The following N4BP2L2 variants were observed in gnomAD, a reference collection of about 807,000 sequenced individuals.
The protein encoded by N4BP2L2 is NEDD4-binding protein 2-like 2.
N4BP2L2 carries 50 observed loss-of-function variants against 56.2 expected under a neutral mutation model. That is an observed-to-expected ratio of 0.89 (90% CI 0.71 to 1.13). The LOEUF is 1.13. N4BP2L2 is among the 50% of genes most tolerant of loss of function. The pLI is 0.00. For synonymous variants in N4BP2L2, 203 were observed against 223.6 expected (o/e 0.91, Z 0.82); for missense variants, 689 against 693.8 (o/e 0.99, Z 0.08).
chr13:32,484,966 T>C (rs1055590562), intron 6 of N4BP2L2, among the ~76,000 whole-genome samples: 1 of 152,166 alleles, frequency 6.6e-6, no homozygotes, highest in Non-Finnish European at 1.5e-5. Flanking sequence ...TAAAGAATAC[T>C]TAGAATGCAG....
At chr13:32,518,034 T>G in intron 5 of N4BP2L2, 31 bp from the exon 6 acceptor site, 1 of 1,602,678 alleles carries the variant, frequency 6.2e-7, no homozygotes, top group Middle Eastern at 2.2e-4. Context: ...TGTAAATCTT[T>G]GTTGCAGAAT....
exon 6 of N4BP2L2, chr13:32,515,793 A>G (rs1363698904): frequency 6.6e-6 from 1 of 152,052 alleles, no homozygotes; most frequent in African/African-American, 2.4e-5. Context: ...CTGGAGTGCA[A>G]GTGGCGCAAT....
At chr13:32,435,590 T>G (rs985087658) in intron 9 of N4BP2L2, among the ~76,000 whole-genome samples, 3 of 152,182 alleles carry the variant, frequency 2.0e-5, no homozygotes, top group African/African-American at 7.2e-5. Flanking sequence ...AATTCCTCAT[T>G]GTCTCTCATC....
At chr13:32,480,722 T>G in intron 6 of N4BP2L2, 1 of 733,426 alleles carries the variant, frequency 1.4e-6, no homozygotes, top group Non-Finnish European at 2.0e-6. Context: ...TCCACAACTG[T>G]GCTACTACTA....
At chr13:32,493,478 T>C (rs1185557612) in intron 6 of N4BP2L2, among the ~76,000 whole-genome samples, 2 of 152,206 alleles carry the variant, frequency 1.3e-5, no homozygotes, top group African/African-American at 4.8e-5. Flanking sequence ...TTTGCCAACA[T>C]CACCATACCC....
intron 7 of N4BP2L2, chr13:32,438,817 A>T (rs1700385295): frequency 1.1e-6 from 1 of 908,692 alleles, no homozygotes; most frequent in Admixed American, 2.3e-5. Flanking sequence ...TGCAAACCTG[A>T]TCTCTAATTC....
chr13:32,517,722 G>A (rs932005551), exon 6 of N4BP2L2: 1 of 1,498,124 alleles, frequency 6.7e-7, no homozygotes, highest in Non-Finnish European at 8.9e-7. Context: ...TTTTTTATTT[G>A]AAACTACTTA....
intron 6 of N4BP2L2, among the ~76,000 whole-genome samples, chr13:32,470,553 T>A (rs373496902): frequency 4.6e-5 from 7 of 152,292 alleles, no homozygotes; most frequent in African/African-American, 1.7e-4. Flanking sequence ...ACAGTATGCT[T>A]TTAGTCCCAA....
chr13:32,526,606 T>C (rs1416072014), intron 3 of N4BP2L2, among the ~76,000 whole-genome samples: 1 of 152,168 alleles, frequency 6.6e-6, no homozygotes, highest in African/African-American at 2.4e-5. Flanking sequence ...AAATTTTTCA[T>C]AATAAAAGCT....
At chr13:32,487,397 G>A (rs2086110888) in intron 6 of N4BP2L2, among the ~76,000 whole-genome samples, 1 of 150,636 alleles carries the variant, frequency 6.6e-6, no homozygotes, top group African/African-American at 2.4e-5. Context: ...GATCACCTGA[G>A]CCCAGGGAGG....
chr13:32,511,547 T>C (rs1003614386), exon 6 of N4BP2L2: 1 of 152,214 alleles, frequency 6.6e-6, no homozygotes, highest in African/African-American at 2.4e-5. Context: ...TATAAATCTT[T>C]CCAGCCATTT....
chr13:32,505,303 T>A (rs2090754814), downstream of N4BP2L2: 1 of 152,216 alleles, frequency 6.6e-6, no homozygotes, highest in Non-Finnish European at 1.5e-5. Context: ...TCCATAGGTA[T>A]AACCCCATCT....
At chr13:32,449,614 G>A (rs1191706460) in intron 6 of N4BP2L2, among the ~76,000 whole-genome samples, 3 of 152,054 alleles carry the variant, frequency 2.0e-5, no homozygotes, top group Non-Finnish European at 4.4e-5. Flanking sequence ...GAACTAACCA[G>A]CTTTCTGTCC....
chr13:32,536,114 A>T, exon 2 of N4BP2L2: 1 of 1,614,100 alleles, frequency 6.2e-7, no homozygotes, highest in Non-Finnish European at 8.5e-7. Flanking sequence ...TTGGGCTTGG[A>T]AAATATTTGA....
chr13:32,511,529 T>C (rs1053052300), exon 6 of N4BP2L2: 3 of 152,224 alleles, frequency 2.0e-5, no homozygotes, highest in African/African-American at 7.2e-5. Flanking sequence ...ATTAACATAA[T>C]AGATTTTTAT....
At chr13:32,494,269 TGA>T (rs2087929180) in intron 6 of N4BP2L2, among the ~76,000 whole-genome samples, 1 of 151,502 alleles carries the variant, frequency 6.6e-6, no homozygotes, top group Non-Finnish European at 1.5e-5. Flanking sequence ...GGCAACAGAG[TGA>T]GACTCGGTCT....
chr13:32,446,065 A>G (rs1047361314), intron 6 of N4BP2L2, among the ~76,000 whole-genome samples: 2 of 152,226 alleles, frequency 1.3e-5, no homozygotes, highest in African/African-American at 4.8e-5. Context: ...TGCGGAAAAG[A>G]GAATAGTCAG....
chr13:32,477,847 G>C (rs901264257), intron 6 of N4BP2L2: 4 of 1,286,606 alleles, frequency 3.1e-6, no homozygotes, highest in African/African-American at 3.0e-5. Context: ...TGTTTGCACT[G>C]GATTTGAAAC....
chr13:32,449,204 A>C (rs993087125), intron 6 of N4BP2L2, among the ~76,000 whole-genome samples: 10 of 152,212 alleles, frequency 6.6e-5, no homozygotes, highest in African/African-American at 2.4e-4. Context: ...GTATATTTAT[A>C]AGGAGTCAGA....
Sources: gnomAD v4.1 joint callset for allele counts (sites outside exome capture counted in the v4.1 genomes callset) on GRCh38, gnomAD v4.1.1 for gene constraint, MANE v1.5 for transcripts, NCBI Gene and HGNC (gene_info 2026-07-23, HGNC 2026-07-21) for gene names.